ANK2: variants seen among roughly 807,000 people sequenced by gnomAD.
The protein encoded by ANK2 is ankyrin 2, also known as ankyrin-2.
ANK2 carries 83 observed loss-of-function variants against 360.5 expected under a neutral mutation model. That is an observed-to-expected ratio of 0.23 (90% confidence interval 0.19 to 0.28). The LOEUF is 0.28. ANK2 is among the 10% of genes least tolerant of loss of function. The pLI is 1.00. For synonymous variants in ANK2, 1,740 were observed against 1,759.5 expected, an observed-to-expected ratio of 0.99 and a Z score of 0.28; for missense variants, 4,201 against 4,795.7, an observed-to-expected ratio of 0.88 and a Z score of 3.66.
intron 31 of ANK2, among the ~76,000 whole-genome samples, chr4:113,337,769 G>T (rs1359688904): frequency 6.6e-6 from 1 of 152,010 alleles, no homozygotes; most frequent in Non-Finnish European, 1.5e-5. Flanking sequence ...CTTCACTTAT[G>T]ATCTCTTTCC....
intron 2 of ANK2, among the ~76,000 whole-genome samples, chr4:112,941,637 A>C (rs71604958): frequency 3.4e-5 from 5 of 145,670 alleles, no homozygotes; most frequent in African/African-American, 9.9e-5. Context: ...GTAAATATAT[A>C]AATATATAAA....
At chr4:112,933,927 A>G (rs957140372) in intron 2 of ANK2, among the ~76,000 whole-genome samples, 19 of 151,988 alleles carry the variant, frequency 1.3e-4, no homozygotes, top group Admixed American at 1.2e-3. Flanking sequence ...TGAGAAGCAA[A>G]TTGCAAATTT....
intron 1 of ANK2, among the ~76,000 whole-genome samples, chr4:113,155,163 A>G (rs752918800): frequency 6.6e-6 from 1 of 152,202 alleles, no homozygotes; most frequent in African/African-American, 2.4e-5. Flanking sequence ...ATACCATTTC[A>G]TTTACTACTG....
chr4:112,767,654 G>A, the ANK2 span, among the ~76,000 whole-genome samples: 1 of 152,184 alleles, frequency 6.6e-6, no homozygotes, highest in African/African-American at 2.4e-5. Context: ...TATGGGGAAA[G>A]TGAATGGGCA....
chr4:113,289,418 A>AG (rs1294645534), intron 20 of ANK2, among the ~76,000 whole-genome samples: 2 of 152,100 alleles, frequency 1.3e-5, no homozygotes, highest in African/African-American at 4.8e-5. Flanking sequence ...TGTGTTGCCT[A>AG]GGCTGGTCTC....
At chr4:112,810,714 G>T in the ANK2 span, among the ~76,000 whole-genome samples, 17 of 150,902 alleles carry the variant, frequency 1.1e-4, no homozygotes, top group African/African-American at 3.9e-4. Flanking sequence ...ACCTCGCTCG[G>T]CTAATTTTTT....
chr4:113,171,477 T>G (rs2097947798), intron 1 of ANK2, among the ~76,000 whole-genome samples: 1 of 152,248 alleles, frequency 6.6e-6, no homozygotes, highest in Non-Finnish European at 1.5e-5. Flanking sequence ...CTTTGGAATT[T>G]ACATTCTTGG....
Position 113,302,835 on chromosome 4 carries a change from A to C in ANK2, c.2544A>C (p.Glu848Asp), listed in dbSNP as rs2075612039. ...CTGAGGTTCTTGATGTTTCTGATGA[A>C]GAGGGTAAGACTTCTATTCAATCTT... Reference protein sequence around the residue: ...TMTEVLDVSDEEGDDTMTGDG... With the variant: ...TMTEVLDVSDDEGDDTMTGDG... The change falls in exon 23 of 46, where the codon GAA (glutamate) becomes GAC (aspartate). Residue 848 changes from glutamate to aspartate, a missense_variant. This residue lies in a region of ANK2 where 1,268 missense variants were observed against 1,650.8 expected (regional missense o/e 0.77). Transcript: ENST00000357077. 5 of 1,612,260 alleles carry C rather than the reference A, an allele frequency of 3.1e-6. No homozygotes were observed. The highest frequency in any genetic ancestry group is 4.2e-6 in the Non-Finnish European group (5 of 1,178,426).
chr4:112,720,647 A>G, the ANK2 span, among the ~76,000 whole-genome samples: 2 of 152,348 alleles, frequency 1.3e-5, no homozygotes, highest in African/African-American at 2.4e-5. Flanking sequence ...GAAATATAAC[A>G]GGTGCTCAAT....
At chr4:112,821,628 G>A (rs11098175) in intron 1 of ANK2, among the ~76,000 whole-genome samples, 110,236 of 151,230 alleles carry the variant, frequency 0.73, 41,050 homozygotes, top group East Asian at 0.97. Context: ...TCAGCCTCTT[G>A]AGTAACTGGG....
At chr4:113,043,476 G>T (rs1451341587) in intron 2 of ANK2, among the ~76,000 whole-genome samples, 1 of 151,896 alleles carries the variant, frequency 6.6e-6, no homozygotes, top group Non-Finnish European at 1.5e-5. Context: ...TCACTATGTT[G>T]CTCAGGCTGG....
Position 112,960,596 on chromosome 4 carries a change from A to G in ANK2, c.21+56082A>G, listed in dbSNP as rs985680751. Among the ~76,000 whole-genome samples the G allele has an allele frequency of 2.0e-4, 30 of 152,252 alleles. 1 individual carries two copies. Among genetic ancestry groups the G allele is most frequent in the African/African-American group, 2.2e-4 (9 of 41,570 alleles). On this transcript the variant is annotated intron_variant, in intron 2 of 30. Transcript: ENST00000503271. Reference sequence around the variant, plus strand: ...ACTTCAGGCACATCACAATGTCCCAAATTAGATTGTATTTAATTCAAGACG... The same window carrying G: ...ACTTCAGGCACATCACAATGTCCCAGATTAGATTGTATTTAATTCAAGACG...
intron 1 of ANK2, among the ~76,000 whole-genome samples, chr4:112,897,427 T>G (rs576865313): frequency 1.3e-5 from 2 of 152,346 alleles, no homozygotes; most frequent in East Asian, 3.9e-4. Flanking sequence ...CATACATGGT[T>G]ATAAAGAAAA....
chr4:112,840,824 A>G (rs1316665840), intron 1 of ANK2, among the ~76,000 whole-genome samples: 2 of 152,226 alleles, frequency 1.3e-5, no homozygotes, highest in Non-Finnish European at 2.9e-5. Context: ...GTCACACAGT[A>G]TAAGCCAGGA....
intron 1 of ANK2, among the ~76,000 whole-genome samples, chr4:112,888,291 G>A (rs2078983399): frequency 6.6e-6 from 1 of 152,104 alleles, no homozygotes; most frequent in African/African-American, 2.4e-5. Flanking sequence ...ATATTTCAAA[G>A]TTAGAGATTA....
intron 10 of ANK2, 149 bp from the exon 11 acceptor site, chr4:113,255,586 G>A (rs973607786): frequency 1.2e-5 from 9 of 745,410 alleles, no homozygotes; most frequent in African/African-American, 1.1e-4. Flanking sequence ...GCGAAATATA[G>A]TCTGCTGTAT....
In ANK2 at chr4:113,293,526, C is replaced by A. The variant is rs757049649; in HGVS notation, c.2463C>A (p.Thr821=). ...TGAAGGTTGTGACTGAGGAGGTCAC[C>A]ACCACCACCACAGTGAGTATGAGTG... ...DTLKVVTEEV[T]TTTTTITEKH... Residue 821 remains threonine, a synonymous_variant, in exon 22 of 46, where the codon ACC becomes ACA. Transcript: ENST00000357077. 1.2e-6 allele frequency: 2 copies of A among 1,612,732 alleles called. No individual in the cohort carries two copies. The highest frequency in any genetic ancestry group is 1.7e-6 in the Non-Finnish European group (2 of 1,179,422).
At chr4:112,891,426 C>G (rs2079997515) in intron 1 of ANK2, among the ~76,000 whole-genome samples, 1 of 152,210 alleles carries the variant, frequency 6.6e-6, no homozygotes, top group South Asian at 2.1e-4. Flanking sequence ...AAACAGGATA[C>G]TTTTGAGAGT....
intron 2 of ANK2, among the ~76,000 whole-genome samples, chr4:112,996,448 G>T (rs1419538211): frequency 6.6e-6 from 1 of 152,078 alleles, no homozygotes; most frequent in Non-Finnish European, 1.5e-5. Flanking sequence ...AAAAGGAAAA[G>T]ATATTTACTC....
Sources: gnomAD v4.1 joint callset for allele counts (sites outside exome capture counted in the v4.1 genomes callset) on GRCh38, gnomAD v4.1.1 for gene constraint, gnomAD v4.1.1 regional missense constraint, MANE v1.5 for transcripts, NCBI Gene and HGNC (gene_info 2026-07-23, HGNC 2026-07-21) for gene names.